Variants in ATP2B2 observed in about 807,000 individuals in gnomAD.
ATP2B2 encodes the protein ATPase plasma membrane Ca2+ transporting 2, also known as plasma membrane calcium-transporting ATPase 2.
ATP2B2 carries 15 observed loss-of-function variants against 120.0 expected under a neutral mutation model. The observed-to-expected ratio is 0.12, with a 90% CI of 0.08 to 0.19. The LOEUF is 0.19. Among genes scored for constraint, ATP2B2 ranks in the 10% least tolerant of loss-of-function variants. The pLI is 1.00. For synonymous variants in ATP2B2, 694 were observed against 700.3 expected, an observed-to-expected ratio of 0.99 and a Z score of 0.14; for missense variants, 1,045 against 1,719.8, an observed-to-expected ratio of 0.61 and a Z score of 6.94.
chr3:10,428,647 G>A (rs2063216265), intron 2 of ATP2B2, among the ~76,000 whole-genome samples: 1 of 152,202 alleles, frequency 6.6e-6, no homozygotes, highest in South Asian at 2.1e-4. Context: ...TCAAATCACA[G>A]TCCATTGAGT....
At chr3:10,637,991 A>C (rs1277435547) in intron 1 of ATP2B2, among the ~76,000 whole-genome samples, 1 of 152,226 alleles carries the variant, frequency 6.6e-6, no homozygotes, top group Non-Finnish European at 1.5e-5. Context: ...GTGGGGCAAC[A>C]TCTTTAGATG....
At chr3:10,450,209 C>G (rs556652843) in intron 1 of ATP2B2, among the ~76,000 whole-genome samples, 1 of 152,112 alleles carries the variant, frequency 6.6e-6, no homozygotes, top group African/African-American at 2.4e-5. Flanking sequence ...GCCACACACA[C>G]GTCAACACCC....
intron 1 of ATP2B2, among the ~76,000 whole-genome samples, chr3:10,666,904 T>G (rs2125686880): frequency 6.6e-6 from 1 of 152,074 alleles, no homozygotes; most frequent in Admixed American, 6.6e-5. Context: ...ACTCTCTGAG[T>G]TTTAAAATTC....
At chr3:10,338,034 G>C (rs2060172766) in intron 22 of ATP2B2, 142 bp downstream of exon 22, 1 of 1,048,724 alleles carries the variant, frequency 9.5e-7, no homozygotes, top group East Asian at 2.6e-5. Flanking sequence ...CAAGTGGCTG[G>C]TGAGAGCTGG....
At chr3:10,403,467 C>G (rs140015565) in intron 3 of ATP2B2, among the ~76,000 whole-genome samples, 1 of 152,352 alleles carries the variant, frequency 6.6e-6, no homozygotes, top group Non-Finnish European at 1.5e-5. Context: ...AAGGCAGATC[C>G]TACTCATGCA....
At chr3:10,332,397 G>A (rs1195980406) in intron 22 of ATP2B2, 1 of 262,866 alleles carries the variant, frequency 3.8e-6, no homozygotes, top group Non-Finnish European at 7.5e-6. Flanking sequence ...GCCTGCTACA[G>A]ACTTGCTAAG....
At chr3:10,460,891 C>T (rs1483944519) in intron 1 of ATP2B2, among the ~76,000 whole-genome samples, 1 of 152,138 alleles carries the variant, frequency 6.6e-6, no homozygotes, top group African/African-American at 2.4e-5. Flanking sequence ...AAATTATTTC[C>T]TCCATGGGGT....
chr3:10,511,434 T>G (rs565634748), intron 3 of ATP2B2, among the ~76,000 whole-genome samples: 1 of 152,234 alleles, frequency 6.6e-6, no homozygotes, highest in Admixed American at 6.5e-5. Flanking sequence ...TTGATTGAAC[T>G]GATAAATGCA....
intron 1 of ATP2B2, among the ~76,000 whole-genome samples, chr3:10,702,942 T>A (rs1331568701): frequency 6.6e-6 from 1 of 152,186 alleles, no homozygotes; most frequent in African/African-American, 2.4e-5. Context: ...GTAATTTAGG[T>A]CTGCTTCCTA....
chr3:10,610,566 G>A (rs537336353), intron 2 of ATP2B2, among the ~76,000 whole-genome samples: 6 of 152,144 alleles, frequency 3.9e-5, no homozygotes, highest in Non-Finnish European at 7.3e-5. Context: ...ATGGACTTCC[G>A]GGTAAAGTGA....
chr3:10,512,464 G>GCGCGCGCACA lies in ATP2B2; in HGVS notation c.-320+21574_-320+21575insTGTGCGCGCG, dbSNP rs749056818. On this transcript the variant is annotated intron_variant, in intron 3 of 21. Coordinates refer to the ATP2B2 transcript ENST00000646379. ...TATTCCTGGGTGCTAAAGTGTGTGC[G>GCGCGCGCACA]CACACACACACACACACACACACAC... 5.3e-3 allele frequency among the ~76,000 whole-genome samples: 731 copies of GCGCGCGCACA among 136,784 alleles called. 6 individuals carry two copies. Among genetic ancestry groups the GCGCGCGCACA allele is most frequent in the African/African-American group, 0.02 (687 of 34,430 alleles). The allele number at this position is 136,784 out of a possible 152,430, so 89.7% of individuals were successfully genotyped here. A position where few individuals can be genotyped will look rare whatever the true frequency, so the allele number is the denominator to read the frequency against.
intron 2 of ATP2B2, among the ~76,000 whole-genome samples, chr3:10,563,883 A>C (rs1026196613): frequency 6.6e-6 from 1 of 152,242 alleles, no homozygotes; most frequent in Non-Finnish European, 1.5e-5. Context: ...GTCCAAGAAC[A>C]CACAGCAACT....
At chr3:10,612,010 A>G (rs969896889) in intron 2 of ATP2B2, among the ~76,000 whole-genome samples, 1 of 152,072 alleles carries the variant, frequency 6.6e-6, no homozygotes, top group African/African-American at 2.4e-5. Flanking sequence ...CCAGCATCGC[A>G]TTTTACACTC....
At chr3:10,500,113 T>C (rs1487085690) in intron 1 of ATP2B2, among the ~76,000 whole-genome samples, 3 of 151,912 alleles carry the variant, frequency 2.0e-5, no homozygotes, top group African/African-American at 7.3e-5. Context: ...TTTTTTTGTA[T>C]TTTTAGTAGA....
At chr3:10,460,600 C>T (rs2125233665) in intron 1 of ATP2B2, among the ~76,000 whole-genome samples, 1 of 152,290 alleles carries the variant, frequency 6.6e-6, no homozygotes, top group East Asian at 1.9e-4. Flanking sequence ...GCATGGGGAG[C>T]TGACCCCATA....
chr3:10,416,232 G>A (rs6799376), intron 2 of ATP2B2, among the ~76,000 whole-genome samples: 15,396 of 152,222 alleles, frequency 0.1, 2,587 homozygotes, highest in African/African-American at 0.35. Flanking sequence ...ACTCCCTGCT[G>A]TCACGGCTGC....
chr3:10,603,306 G>A (rs537863101), intron 2 of ATP2B2, among the ~76,000 whole-genome samples: 6 of 152,348 alleles, frequency 3.9e-5, no homozygotes, highest in Admixed American at 6.5e-5. Flanking sequence ...CTCGATACAC[G>A]TCAGTTCTCT....
intron 1 of ATP2B2, among the ~76,000 whole-genome samples, chr3:10,649,254 A>G (rs2070392787): frequency 6.6e-6 from 1 of 152,234 alleles, no homozygotes; most frequent in African/African-American, 2.4e-5. Context: ...TCTGTCCTTC[A>G]GTCATACTCA....
At chr3:10,333,794 C>T (rs954823976) in intron 22 of ATP2B2, among the ~76,000 whole-genome samples, 1 of 152,156 alleles carries the variant, frequency 6.6e-6, no homozygotes, top group Non-Finnish European at 1.5e-5. Context: ...CCTGCCGGGT[C>T]CCCTGAGAGA....
Sources: gnomAD v4.1 joint callset for allele counts (sites outside exome capture counted in the v4.1 genomes callset) on GRCh38, gnomAD v4.1.1 for gene constraint, MANE v1.5 for transcripts, NCBI Gene and HGNC (gene_info 2026-07-23, HGNC 2026-07-21) for gene names.